Variants in MSLN observed in about 807,000 individuals in gnomAD.
The protein encoded by MSLN is CAK1 antigen.
Under a neutral mutation model 72.6 loss-of-function variants are expected in MSLN, and 82 were observed. That is an observed-to-expected ratio of 1.13 (90% CI 0.94 to 1.36). The LOEUF (loss-of-function observed/expected upper bound fraction) is 1.36. Among genes scored for constraint, MSLN ranks in the 40% most tolerant of loss-of-function variants. The probability of loss-of-function intolerance (pLI) is 0.00; values close to 1 mark genes in which losing one functional copy is unlikely to be tolerated. For synonymous variants in MSLN, 456 were observed against 387.3 expected, an observed-to-expected ratio of 1.18 and a Z score of -2.08; for missense variants, 1,005 against 847.9, an observed-to-expected ratio of 1.19 and a Z score of -2.30.
rs369504452 is a variant in MSLN at position 765,564 on chromosome 16, C to G, written c.742C>G (p.Leu248Val). 1 of 1,606,598 alleles carries G rather than the reference C, an allele frequency of 6.2e-7. No homozygotes were observed. Among genetic ancestry groups the G allele is most frequent in the Admixed American group, 1.7e-5 (1 of 59,958 alleles). ...STWSVSTMDALRGLLPVLGQP... is the reference protein window; with the variant it reads ...STWSVSTMDAVRGLLPVLGQP... ...ATGGTCTGTCTCCACGATGGACGCT[C>G]TGCGGGGCCTGCTGCCCGTGCTGGG... The change falls in exon 10 of 18, where the codon CTG (leucine) becomes GTG (valine). Residue 248 changes from leucine to valine, a missense_variant. By Grantham distance (32) the Leu-to-Val change is conservative. Coordinates refer to ENST00000545450, the MANE Select transcript of MSLN (RefSeq NM_005823.6).
At chr16:767,143 C>T (rs549349180) in intron 15 of MSLN, 131 bp downstream of exon 15, 2 of 1,437,114 alleles carry the variant, frequency 1.4e-6, no homozygotes, top group South Asian at 1.3e-5. Context: ...CCGCCCTCTG[C>T]CCCCCGGGGT....
chr16:764,538 C>T (rs931733794), intron 6 of MSLN, 109 bp from the exon 7 acceptor site: 60 of 953,924 alleles, frequency 6.3e-5, no homozygotes, highest in Admixed American at 1.7e-4. Context: ...CACAGATTCT[C>T]GTGGCCAGGG....
chr16:763,306 G>A (rs779111061), intron 4 of MSLN, 30 bp downstream of exon 4: 1 of 1,517,016 alleles, frequency 6.6e-7, no homozygotes, highest in South Asian at 1.2e-5. Flanking sequence ...AACAGGGGAG[G>A]GTCTTCAGGT....
rs770060839 is a variant in MSLN at position 766,991 on chromosome 16, G to C, written c.1480G>C (p.Val494Leu). Residue 494 changes from valine (V) to leucine (L), a missense_variant, in exon 15 of 18, where the codon GTG becomes CTG. Coordinates refer to ENST00000545450, the MANE Select transcript of MSLN (RefSeq NM_005823.6). The stretch of plus-strand genomic sequence containing the variant: ...GAACATGAACGGGTCCGAATACTTC[G>C]TGAAGATCCAGTCCTTCCTGGGTGA... ...FQNMNGSEYF[V>L]KIQSFLGGAP... 11 of 1,612,538 alleles carry C rather than the reference G, an allele frequency of 6.8e-6. No individual in the cohort carries two copies. Among genetic ancestry groups the C allele is most frequent in the Admixed American group, 1.7e-5 (1 of 59,994 alleles).
intron 4 of MSLN, 26 bp downstream of exon 4, chr16:763,302 G>A: frequency 6.5e-7 from 1 of 1,533,374 alleles, no homozygotes; most frequent in Non-Finnish European, 8.8e-7. Flanking sequence ...GGGAAACAGG[G>A]GAGGGTCTTC....
At position 766,715 on chromosome 16, in the gene MSLN, CA is replaced by C; in HGVS notation, c.1281del (p.Asp428ThrfsTer3). 1 of 1,612,636 alleles carries C rather than the reference CA, an allele frequency of 6.2e-7. No individual in the cohort carries two copies. The highest frequency in any genetic ancestry group is 8.5e-7 in the Non-Finnish European group (1 of 1,179,904). ...TTGTGAAGGGAAGGGGCCAGCTAGA[CA>C]AAGACACCCTAGACACCCTGACCGC... ...RFVKGRGQLD[K>X]DTLDTLTAFY... On this transcript the variant is annotated frameshift_variant, in exon 14 of 18. Transcript: ENST00000545450. LOFTEE classifies it high-confidence loss of function.
At chr16:763,831 T>C in intron 5 of MSLN, 140 bp downstream of exon 5, 1 of 44,224 alleles carries the variant, frequency 2.3e-5, no homozygotes, top group Non-Finnish European at 3.2e-5. Context: ...GGCTCAGGAC[T>C]GCGGGAGGGA....
rs746633361 is a variant in MSLN at position 764,898 on chromosome 16, T to C, written c.381-9T>C. 3 of 1,610,660 alleles carry C rather than the reference T, an allele frequency of 1.9e-6. No individual in the cohort carries two copies. ...AGTGCGGCCTGTCCCCAGCACCCTC[T>C]CTTCACAGCCCAGATGCGTTCTCGG... On this transcript the variant is annotated splice_polypyrimidine_tract_variant and intron_variant, in intron 7 of 17. Transcript: ENST00000545450.
chr16:763,422 G>A lies in MSLN; in HGVS notation c.129+146G>A. 4.6e-6 allele frequency: 4 copies of A among 873,814 alleles called. No homozygotes were observed. In the Admixed American group the frequency reaches 8.4e-5, roughly 18 times the overall value. 54.1% of individuals were successfully genotyped at this position (873,814 alleles called of 1,614,324 possible). On this transcript the variant is annotated intron_variant, in intron 4 of 17. Transcript: ENST00000545450. The stretch of plus-strand genomic sequence containing the variant: ...GGGGCACCTGGACCTGCATGTGACT[G>A]GCCTGGGAGCAGCCAGGTCCAGGGA...
Position 766,743 on chromosome 16 carries a change from T to G in MSLN, c.1306T>G (p.Phe436Val). ...DKDTLDTLTA[F>V]YPGYLCSLSP... ...AGACACCCTAGACACCCTGACCGCCTTCTACCCTGGGTACCTGTGCTCCCT... is the reference window on the plus strand; with the variant it reads ...AGACACCCTAGACACCCTGACCGCCGTCTACCCTGGGTACCTGTGCTCCCT... The change falls in exon 14 of 18, where the codon TTC becomes GTC. Residue 436 changes from phenylalanine to valine, a missense_variant. By Grantham distance (50) the Phe-to-Val change is conservative (BLOSUM62 -1). Coordinates refer to ENST00000545450, the MANE Select transcript of MSLN (RefSeq NM_005823.6). 6.2e-7 allele frequency: 1 copy of G among 1,612,644 alleles called. No homozygotes were observed. The highest frequency in any genetic ancestry group is 8.5e-7 in the Non-Finnish European group (1 of 1,179,894).
chr16:767,000 C>G lies in MSLN; in HGVS notation c.1489C>G (p.Gln497Glu), dbSNP rs768446290. 6.2e-6 allele frequency: 10 copies of G among 1,612,488 alleles called. No individual in the cohort carries two copies. The highest frequency in any genetic ancestry group is 3.3e-4 in the Middle Eastern group (2 of 6,078). ...MNGSEYFVKI[Q>E]SFLGGAPTED... ...CGGGTCCGAATACTTCGTGAAGATCCAGTCCTTCCTGGGTGAGCCAGGGAG... is the reference window on the plus strand; with the variant it reads ...CGGGTCCGAATACTTCGTGAAGATCGAGTCCTTCCTGGGTGAGCCAGGGAG... The change falls in exon 15 of 18, where the codon CAG becomes GAG. Residue 497 changes from glutamine to glutamate, a missense_variant. Coordinates refer to ENST00000545450, the MANE Select transcript of MSLN (RefSeq NM_005823.6).
chr16:765,510 G>A lies in MSLN; in HGVS notation c.705-17G>A, dbSNP rs754554561. ...TGCACGTGGGGGGTCCCTGAGCTGTGTCCCGTGTCTGCACAGCCCCCCGTC... is the reference window on the plus strand; with the variant it reads ...TGCACGTGGGGGGTCCCTGAGCTGTATCCCGTGTCTGCACAGCCCCCCGTC... On this transcript the variant is annotated splice_polypyrimidine_tract_variant and intron_variant, in intron 9 of 17. Coordinates refer to ENST00000545450, the MANE Select transcript of MSLN (RefSeq NM_005823.6). The A allele has an allele frequency of 1.3e-6, 2 of 1,596,700 alleles. No individual in the cohort carries two copies. Among genetic ancestry groups the A allele is most frequent in the African/African-American group, 1.3e-5 (1 of 74,886 alleles).
chr16:763,610 T>A (rs2041563575), intron 4 of MSLN, 32 bp from the exon 5 acceptor site: 1 of 1,578,310 alleles, frequency 6.3e-7, no homozygotes, highest in Non-Finnish European at 8.6e-7. Flanking sequence ...AGAGCTGGTC[T>A]GAGCCATGTT....
Position 765,782 on chromosome 16 carries a change from A to G in MSLN, c.887A>G (p.Glu296Gly). 1 of 1,598,764 alleles carries G rather than the reference A, an allele frequency of 6.3e-7. No homozygotes were observed. Among genetic ancestry groups the G allele is most frequent in the South Asian group, 1.1e-5 (1 of 90,970 alleles). ...ATCCTCCGGCCGCGGTTCCGGCGGG[A>G]AGTGGAGAGTGAGTGCCGTGCCCTG... is the stretch of plus-strand genomic sequence containing the variant. ...RTILRPRFRR[E>G]VEKTACPSGK... Residue 296 changes from glutamate to glycine, a missense_variant, in exon 11 of 18, where the codon GAA becomes GGA. By Grantham distance (98) the Glu-to-Gly change is moderately conservative. Coordinates refer to ENST00000545450, the MANE Select transcript of MSLN (RefSeq NM_005823.6).
rs369613794 is a variant in MSLN at position 764,682 on chromosome 16, C to G, written c.336C>G (p.Pro112=). The G allele has an allele frequency of 2.5e-6, 4 of 1,612,386 alleles. No individual in the cohort carries two copies. The African/African-American group carries it at 5.3e-5, about 22-fold the overall frequency. ...TGGCTCACCGGCTCTCTGAGCCCCC[C>G]GAGGACCTGGACGCCCTCCCATTGG... ...RCLAHRLSEP[P]EDLDALPLDL... is the part of the protein sequence containing the mutation. The change falls in exon 7 of 18, where the codon CCC becomes CCG. Residue 112 remains proline (P), a synonymous_variant. Coordinates refer to ENST00000545450, the MANE Select transcript of MSLN (RefSeq NM_005823.6).
intron 2 of MSLN, among the ~76,000 whole-genome samples, chr16:762,042 A>T (rs2041542708): frequency 6.6e-6 from 1 of 152,008 alleles, no homozygotes; most frequent in East Asian, 1.9e-4. Context: ...CCCACCCTAG[A>T]GAGTACAAGG....
chr16:765,874 C>T, intron 11 of MSLN, 84 bp downstream of exon 11: 1 of 1,397,988 alleles, frequency 7.2e-7, no homozygotes, highest in Non-Finnish European at 9.8e-7. Flanking sequence ...TCACCTGCCC[C>T]TCCCTGGCTC....
chr16:765,490 G>A lies in MSLN; in HGVS notation c.705-37G>A, dbSNP rs764425805. 22 of 1,568,782 alleles carry A rather than the reference G, an allele frequency of 1.4e-5. 1 individual carries two copies. The highest frequency in any genetic ancestry group is 5.4e-5 in the African/African-American group (4 of 74,266). On this transcript the variant is annotated intron_variant, in intron 9 of 17. Transcript: ENST00000545450. ...GCCTCTTCCCTCTCTGGGGCTGCAC[G>A]TGGGGGGTCCCTGAGCTGTGTCCCG...
chr16:766,208 CT>C lies in MSLN; in HGVS notation c.1046del (p.Leu349ArgfsTer4). ...VNAIPFTYEQ[L>X]DVLKHKLDEL... The stretch of plus-strand genomic sequence containing the variant: ...CGCCATCCCCTTCACCTACGAGCAG[CT>C]GGACGTCCTAAAGCATAAACTGGAT... On this transcript the variant is annotated frameshift_variant, in exon 12 of 18. Coordinates refer to ENST00000545450, the MANE Select transcript of MSLN (RefSeq NM_005823.6). LOFTEE classifies it high-confidence loss of function. 1 of 1,611,826 alleles carries C rather than the reference CT, an allele frequency of 6.2e-7. No individual in the cohort carries two copies. Among genetic ancestry groups the C allele is most frequent in the Non-Finnish European group, 8.5e-7 (1 of 1,179,114 alleles).
Sources: allele counts gnomAD v4.1 joint callset (sites outside exome capture counted in the v4.1 genomes callset), GRCh38; gene constraint gnomAD v4.1.1; transcripts MANE v1.5; gene names NCBI Gene and HGNC (gene_info 2026-07-23, HGNC 2026-07-21).